SSBP2: variants seen among roughly 807,000 people sequenced by gnomAD.
SSBP2 encodes the protein single stranded DNA binding protein 2, also known as single-stranded DNA-binding protein 2.
In SSBP2, 17 loss-of-function variants were observed where a neutral mutation model predicts 61.8. The ratio of observed to expected loss-of-function variants is 0.28; its 90% CI spans 0.19 to 0.41. The LOEUF (loss-of-function observed/expected upper bound fraction) is 0.41, where lower values mean the gene tolerates loss of function less well. Ranked by LOEUF, SSBP2 falls within the 10% of genes least tolerant of loss-of-function variation. The pLI, the probability that SSBP2 is intolerant of heterozygous loss-of-function variation, is 1.00. For missense variants in SSBP2, 310 were observed against 458.7 expected (o/e 0.68, Z 2.96); for synonymous variants, 139 against 141.3 (o/e 0.98, Z 0.12).
intron 4 of SSBP2, among the ~76,000 whole-genome samples, chr5:81,565,194 TCAAA>T (rs1773331115): frequency 6.6e-6 from 1 of 152,202 alleles, no homozygotes; most frequent in Non-Finnish European, 1.5e-5. Context: ...ACTGCTTTTC[TCAAA>T]CAGTCCAATA....
intron 4 of SSBP2, among the ~76,000 whole-genome samples, chr5:81,600,498 G>A (rs1318638490): frequency 4.8e-5 from 7 of 145,174 alleles, no homozygotes; most frequent in African/African-American, 1.7e-4. Flanking sequence ...GGAGGTGCAG[G>A]TTGCAGTAAG....
chr5:81,537,003 C>CAAAAAA (rs34205177), intron 4 of SSBP2, among the ~76,000 whole-genome samples: 1 of 145,580 alleles, frequency 6.9e-6, no homozygotes. Flanking sequence ...GACTCTGTCT[C>CAAAAAA]AAAAAAAAAA....
chr5:81,711,282 T>G (rs1242573289), intron 1 of SSBP2, among the ~76,000 whole-genome samples: 1 of 152,096 alleles, frequency 6.6e-6, no homozygotes, highest in Admixed American at 6.5e-5. Context: ...TAAACTCAGC[T>G]AGTTGATTCT....
chr5:81,612,929 T>C (rs1312144907), intron 4 of SSBP2, among the ~76,000 whole-genome samples: 7 of 152,042 alleles, frequency 4.6e-5, no homozygotes, highest in Non-Finnish European at 8.8e-5. Flanking sequence ...CTATTATATT[T>C]ACATGTTAGA....
chr5:81,516,441 A>G (rs1460496211), intron 4 of SSBP2, among the ~76,000 whole-genome samples: 1 of 152,082 alleles, frequency 6.6e-6, no homozygotes, highest in Non-Finnish European at 1.5e-5. Flanking sequence ...ACACAAAGTG[A>G]AGTGTGCTGA....
chr5:81,506,543 T>C (rs887822457), intron 5 of SSBP2, among the ~76,000 whole-genome samples: 1 of 152,176 alleles, frequency 6.6e-6, no homozygotes, highest in Non-Finnish European at 1.5e-5. Flanking sequence ...GAGTTTCTCC[T>C]GGCTTAGAGT....
At chr5:81,644,293 C>T (rs1581238521) in intron 2 of SSBP2, among the ~76,000 whole-genome samples, 1 of 152,022 alleles carries the variant, frequency 6.6e-6, no homozygotes, top group African/African-American at 2.4e-5. Flanking sequence ...TTTTTTGACA[C>T]AGAAAGACAG....
At chr5:81,580,957 T>C (rs1774596851) in intron 4 of SSBP2, among the ~76,000 whole-genome samples, 1 of 152,118 alleles carries the variant, frequency 6.6e-6, no homozygotes, top group African/African-American at 2.4e-5. Context: ...ATCTCAGATC[T>C]ACAATAAAGG....
At chr5:81,674,321 C>T (rs981132840) in intron 1 of SSBP2, among the ~76,000 whole-genome samples, 22 of 152,282 alleles carry the variant, frequency 1.4e-4, no homozygotes, top group African/African-American at 5.3e-4. Context: ...TCACCACATA[C>T]CCCTCCACTC....
chr5:81,496,621 C>T (rs146540820), intron 5 of SSBP2, among the ~76,000 whole-genome samples: 35 of 152,284 alleles, frequency 2.3e-4, no homozygotes, highest in Middle Eastern at 3.4e-3. Flanking sequence ...TTTGCAAGTT[C>T]TGTGTTATAC....
intron 1 of SSBP2, among the ~76,000 whole-genome samples, chr5:81,676,066 G>A (rs1751956239): frequency 6.6e-6 from 1 of 152,160 alleles, no homozygotes; most frequent in South Asian, 2.1e-4. Context: ...TCACCTGAAA[G>A]TCCCTCAGGC....
Position 81,461,038 on chromosome 5 carries a change from T to C in SSBP2, c.687+17A>G, listed in dbSNP as rs188846660. 1.5e-6 allele frequency: 2 copies of C among 1,298,692 alleles called. No homozygotes were observed. The highest frequency in any genetic ancestry group is 2.8e-5 in the Admixed American group (1 of 35,590). The allele number at this position is 1,298,692 out of a possible 1,614,324, so 80.4% of individuals were successfully genotyped here. A position where few individuals can be genotyped will look rare whatever the true frequency, so the allele number is the denominator to read the frequency against. ...ACAAAATGCAAAATATTAAAAAAAA[T>C]ATATATATATACTCACTGAATTGGC... On this transcript the variant is annotated intron_variant, in intron 10 of 16. Coordinates refer to ENST00000320672, the MANE Select transcript of SSBP2 (RefSeq NM_012446.5).
At chr5:81,710,926 A>G (rs954599425) in intron 1 of SSBP2, among the ~76,000 whole-genome samples, 1 of 152,120 alleles carries the variant, frequency 6.6e-6, no homozygotes, top group Admixed American at 6.5e-5. Context: ...ATAAATACGT[A>G]ATTATTTTTA....
intron 3 of SSBP2, among the ~76,000 whole-genome samples, chr5:81,634,010 G>A (rs761717115): frequency 6.6e-6 from 1 of 152,096 alleles, no homozygotes; most frequent in Non-Finnish European, 1.5e-5. Context: ...AAATTGTAAG[G>A]TCCCCCAACC....
At chr5:81,608,177 C>G (rs367784230) in intron 4 of SSBP2, among the ~76,000 whole-genome samples, 15 of 152,144 alleles carry the variant, frequency 9.9e-5, no homozygotes, top group African/African-American at 3.6e-4. Flanking sequence ...CAGATTTCTG[C>G]TAAGCATATC....
intron 1 of SSBP2, among the ~76,000 whole-genome samples, chr5:81,701,509 T>C (rs1753981713): frequency 1.3e-5 from 2 of 152,182 alleles, no homozygotes; most frequent in Non-Finnish European, 2.9e-5. Flanking sequence ...CTTCAATTTG[T>C]AAAAAATAAT....
At chr5:81,681,028 A>G (rs1752340840) in intron 1 of SSBP2, among the ~76,000 whole-genome samples, 1 of 152,132 alleles carries the variant, frequency 6.6e-6, no homozygotes, top group Admixed American at 6.6e-5. Flanking sequence ...GGGCCATAAA[A>G]CACACCTTAG....
At chr5:81,608,936 G>A (rs1166876172) in intron 4 of SSBP2, among the ~76,000 whole-genome samples, 3 of 152,156 alleles carry the variant, frequency 2.0e-5, no homozygotes, top group Non-Finnish European at 4.4e-5. Flanking sequence ...GAAGAATAAA[G>A]AGGATAAAAA....
chr5:81,432,950 C>T (rs1366131948), intron 15 of SSBP2, among the ~76,000 whole-genome samples: 5 of 144,144 alleles, frequency 3.5e-5, no homozygotes, highest in South Asian at 2.2e-4. Flanking sequence ...GTCAGCCCCC[C>T]GCCCAGCCAG....
Sources: allele counts gnomAD v4.1 joint callset (sites outside exome capture counted in the v4.1 genomes callset), GRCh38; gene constraint gnomAD v4.1.1; transcripts MANE v1.5; gene names NCBI Gene and HGNC (gene_info 2026-07-23, HGNC 2026-07-21).